PTPRJ: variants seen among roughly 807,000 people sequenced by gnomAD.
The protein encoded by PTPRJ is protein tyrosine phosphatase receptor type J.
A neutral mutation model predicts 141.3 loss-of-function variants in PTPRJ; 129 were observed. The ratio of observed to expected loss-of-function variants is 0.91; its 90% CI spans 0.79 to 1.06. The LOEUF is 1.06. PTPRJ is among the 50% of genes least tolerant of loss of function. The pLI, the probability that PTPRJ is intolerant of heterozygous loss-of-function variation, is 0.00. For missense variants in PTPRJ, 1,601 were observed against 1,679.7 expected, an observed-to-expected ratio of 0.95 and a Z score of 0.82; for synonymous variants, 610 against 640.5, an observed-to-expected ratio of 0.95 and a Z score of 0.72.
chr11:48,053,133 TATAAATATATAAAAATAAATATATA>T (rs1565278202), intron 1 of PTPRJ, among the ~76,000 whole-genome samples: 8 of 115,550 alleles, frequency 6.9e-5, no homozygotes, highest in African/African-American at 2.7e-4. Flanking sequence ...TATATAAATA[TATAAATATATAAAAATAAATATATA>T]TTATATATAT....
At chr11:48,140,723 C>G (rs1380787560) in intron 11 of PTPRJ, among the ~76,000 whole-genome samples, 4 of 151,928 alleles carry the variant, frequency 2.6e-5, no homozygotes, top group African/African-American at 9.7e-5. Flanking sequence ...TTCTAGAAGC[C>G]ACACTGAAAA....
chr11:48,023,343 C>G (rs1374618403), intron 1 of PTPRJ, among the ~76,000 whole-genome samples: 2 of 152,106 alleles, frequency 1.3e-5, no homozygotes, highest in Non-Finnish European at 2.9e-5. Flanking sequence ...GATGAGTTTC[C>G]CTGACATGCA....
chr11:48,049,714 CAAAAAAA>C (rs397713247), intron 1 of PTPRJ, among the ~76,000 whole-genome samples: 1 of 50,646 alleles, frequency 2.0e-5, no homozygotes, highest in African/African-American at 7.0e-5. Flanking sequence ...AACTCTGTCT[CAAAAAAA>C]AAAAAAAAAA....
chr11:48,162,157 A>G (rs917726060), intron 22 of PTPRJ, among the ~76,000 whole-genome samples: 3 of 152,184 alleles, frequency 2.0e-5, no homozygotes, highest in Non-Finnish European at 4.4e-5. Flanking sequence ...ACCACATGGC[A>G]TTTAGTACCA....
At chr11:48,167,070 G>T in intron 24 of PTPRJ, 134 bp from the exon 25 acceptor site, 2 of 739,122 alleles carry the variant, frequency 2.7e-6, no homozygotes, top group East Asian at 2.6e-5. Flanking sequence ...AAACATGTTC[G>T]CTTGAACCGT....
rs1487785196 is a variant in PTPRJ at position 48,093,184 on chromosome 11, CTT to C, written c.97-16871_97-16870del. On this transcript the variant is annotated intron_variant, in intron 1 of 24. Transcript: ENST00000418331. Reference sequence around the variant, plus strand: ...GATCATGTATGTGATTGCTCTGTAACTTTTCATTCACATTTTGTCCTTGTCTG... The same window carrying C: ...GATCATGTATGTGATTGCTCTGTAACTTCATTCACATTTTGTCCTTGTCTG... Among the ~76,000 whole-genome samples the C allele has an allele frequency of 4.6e-5, 7 of 152,232 alleles. No homozygotes were observed. In the South Asian group the frequency reaches 1.5e-3, roughly 32 times the overall value.
In PTPRJ at chr11:48,110,049, C is replaced by G; in HGVS notation, c.97-9C>G. Reference sequence around the variant, plus strand: ...ATCTGCTGACTTCCGTTTTCTTTTTCTGTTTCAGATCCTGTGCGCAGGTGG... The same window carrying G: ...ATCTGCTGACTTCCGTTTTCTTTTTGTGTTTCAGATCCTGTGCGCAGGTGG... On this transcript the variant is annotated splice_polypyrimidine_tract_variant and intron_variant, in intron 1 of 24. Transcript: ENST00000418331. 2 of 1,613,886 alleles carry G rather than the reference C, an allele frequency of 1.2e-6. No individual in the cohort carries two copies. Among genetic ancestry groups the G allele is most frequent in the Non-Finnish European group, 1.7e-6 (2 of 1,179,846 alleles).
At chr11:48,091,656 C>T (rs1855868390) in intron 1 of PTPRJ, among the ~76,000 whole-genome samples, 1 of 152,174 alleles carries the variant, frequency 6.6e-6, no homozygotes, top group South Asian at 2.1e-4. Flanking sequence ...ACCTTTTGTT[C>T]CTTCAGGTGA....
At chr11:48,149,905 T>C (rs1857438847) in intron 16 of PTPRJ, 85 bp from the exon 17 acceptor site, 1 of 1,092,390 alleles carries the variant, frequency 9.2e-7, no homozygotes, top group South Asian at 1.5e-5. Flanking sequence ...GTTTTGTTGT[T>C]TTGGGAAGAT....
intron 1 of PTPRJ, among the ~76,000 whole-genome samples, chr11:48,099,560 T>C (rs937112901): frequency 6.6e-6 from 1 of 152,074 alleles, no homozygotes; most frequent in Admixed American, 6.5e-5. Flanking sequence ...TGATGAGATG[T>C]TGAAAATCAG....
At chr11:48,096,149 T>C (rs1331494747) in intron 1 of PTPRJ, among the ~76,000 whole-genome samples, 1 of 152,200 alleles carries the variant, frequency 6.6e-6, no homozygotes, top group African/African-American at 2.4e-5. Flanking sequence ...ATTGTGCCTT[T>C]TAAGTGTCGA....
chr11:48,128,174 C>T (rs1376477052), intron 7 of PTPRJ, 131 bp downstream of exon 7: 4 of 1,184,104 alleles, frequency 3.4e-6, no homozygotes, highest in Non-Finnish European at 4.8e-6. Context: ...GACATGCTTT[C>T]CTTGCACTGG....
chr11:48,073,813 C>T (rs1262473981), intron 1 of PTPRJ, among the ~76,000 whole-genome samples: 1 of 152,102 alleles, frequency 6.6e-6, no homozygotes, highest in African/African-American at 2.4e-5. Flanking sequence ...GAAAATGTCT[C>T]ATAGGTTTTT....
chr11:48,028,257 C>T (rs976306700), intron 1 of PTPRJ, among the ~76,000 whole-genome samples: 12 of 152,188 alleles, frequency 7.9e-5, no homozygotes, highest in Non-Finnish European at 1.6e-4. Flanking sequence ...CAGAGCACTA[C>T]CTGTCCCCCT....
chr11:48,102,262 T>G (rs1477465010), intron 1 of PTPRJ, among the ~76,000 whole-genome samples: 1 of 152,178 alleles, frequency 6.6e-6, no homozygotes, highest in Non-Finnish European at 1.5e-5. Context: ...GGGGTGACAT[T>G]ACTAGGGAAT....
intron 1 of PTPRJ, among the ~76,000 whole-genome samples, chr11:47,982,165 C>T (rs1853927548): frequency 6.6e-6 from 1 of 152,194 alleles, no homozygotes; most frequent in African/African-American, 2.4e-5. Context: ...ACCCTCGGCA[C>T]CCAAGGGTCT....
At chr11:48,123,469 G>T in intron 4 of PTPRJ, 144 bp from the exon 5 acceptor site, 4 of 770,578 alleles carry the variant, frequency 5.2e-6, no homozygotes, top group Non-Finnish European at 8.0e-6. Flanking sequence ...TATTTTTAGT[G>T]AGTCACATTG....
chr11:48,103,547 A>G (rs1418642033), intron 1 of PTPRJ, among the ~76,000 whole-genome samples: 1 of 152,222 alleles, frequency 6.6e-6, no homozygotes, highest in Non-Finnish European at 1.5e-5. Flanking sequence ...AGTGAATCAC[A>G]TCAAATTTTA....
At chr11:48,152,109 T>G (rs1436651941) in intron 18 of PTPRJ, among the ~76,000 whole-genome samples, 1 of 152,214 alleles carries the variant, frequency 6.6e-6, no homozygotes, top group Non-Finnish European at 1.5e-5. Flanking sequence ...CCAGCACCTG[T>G]TGTTTCCTGA....
Sources: allele counts gnomAD v4.1 joint callset (sites outside exome capture counted in the v4.1 genomes callset), GRCh38; gene constraint gnomAD v4.1.1; transcripts MANE v1.5; gene names NCBI Gene and HGNC (gene_info 2026-07-23, HGNC 2026-07-21).